The following GRHL3 variants were observed in gnomAD, a reference collection of about 807,000 sequenced individuals.
GRHL3 encodes the protein grainyhead-like protein 3 homolog.
GRHL3 carries 20 observed loss-of-function variants against 70.3 expected under a neutral mutation model. That is an observed-to-expected ratio of 0.28 (90% CI 0.20 to 0.41). The LOEUF is 0.41. GRHL3 is among the 10% of genes least tolerant of loss of function. GRHL3 has a pLI of 1.00. For missense variants in GRHL3, 637 were observed against 762.3 expected, an observed-to-expected ratio of 0.84 and a Z score of 1.94; for synonymous variants, 299 against 299.9, an observed-to-expected ratio of 1.00 and a Z score of 0.03.
chr1:24,322,282 C>T lies in GRHL3; in HGVS notation c.17+2714C>T, dbSNP rs1461554308. The stretch of plus-strand genomic sequence containing the variant: ...CCCTCAGCCTCGCAGAGACGCGACT[C>T]GGTTGGGGGAAGGGGACTAGAACCG... On this transcript the variant is annotated intron_variant, in intron 1 of 15. Coordinates refer to ENST00000361548, the MANE Select transcript of GRHL3 (RefSeq NM_198173.3). This position sits in a 1 kb window ranked among gnomAD's most constrained non-coding sequence, Gnocchi z 4.4. 6.6e-6 allele frequency among the ~76,000 whole-genome samples: 1 copy of T among 152,130 alleles called. No individual in the cohort carries two copies. Among genetic ancestry groups the T allele is most frequent in the Non-Finnish European group, 1.5e-5 (1 of 68,018 alleles).
intron 1 of GRHL3, among the ~76,000 whole-genome samples, chr1:24,324,860 G>C (rs1384677389): frequency 6.6e-6 from 1 of 152,070 alleles, no homozygotes; most frequent in Non-Finnish European, 1.5e-5. Context: ...TCATTACAGA[G>C]CCATGCCCTA....
rs57193515 is a variant in GRHL3, at chr1:24,344,485, GAAAAAAAAAAAAAAAA to G, written c.1420-398_1420-383del. 1.1e-4 allele frequency among the ~76,000 whole-genome samples: 6 copies of G among 55,794 alleles called. 1 individual carries two copies. The highest frequency in any genetic ancestry group is 1.9e-4 in the Non-Finnish European group (6 of 31,054). 36.6% of individuals were successfully genotyped at this position (55,794 alleles called of 152,430 possible). A position where few individuals can be genotyped will look rare whatever the true frequency, so the allele number is the denominator to read the frequency against. ...CAGCCTGGGAGACTCTTTCCCCCCA[GAAAAAAAAAAAAAAAA>G]AAAAAAAAAAAAAGCCCTGTTGCCC... On this transcript the variant is annotated intron_variant, in intron 11 of 15. Coordinates refer to ENST00000361548, the MANE Select transcript of GRHL3 (RefSeq NM_198173.3).
chr1:24,362,313 A>T (rs1277864276), intron 15 of GRHL3, among the ~76,000 whole-genome samples: 1 of 152,204 alleles, frequency 6.6e-6, no homozygotes, highest in African/African-American at 2.4e-5. Context: ...AGTTATAGGC[A>T]CCTTTGTAGG....
At chr1:24,364,437 G>C (rs1422098585) in exon 16 of GRHL3, 1 of 1,455,484 alleles carries the variant, frequency 6.9e-7, no homozygotes. Context: ...TCAGCTCAGA[G>C]TATGTGGCCC....
chr1:24,356,743 G>A (rs1010017648), downstream of GRHL3, among the ~76,000 whole-genome samples: 1 of 152,224 alleles, frequency 6.6e-6, no homozygotes, highest in African/African-American at 2.4e-5. Flanking sequence ...GCGAGGAAGG[G>A]GCTGCAGCAG....
At chr1:24,358,270 G>A (rs566326017), downstream of GRHL3, 84 of 643,954 alleles carry the variant, frequency 1.3e-4, no homozygotes, top group African/African-American at 1.4e-3. Context: ...GGTGCGTGGG[G>A]AAGCAGCCAG....
chr1:24,326,347 A>ACCCCTCTTCTCCTCCC (rs1468761157), intron 1 of GRHL3, among the ~76,000 whole-genome samples: 5 of 116,014 alleles, frequency 4.3e-5, no homozygotes, highest in Admixed American at 1.8e-4. Context: ...CTTCCCCTCC[A>ACCCCTCTTCTCCTCCC]CCCCTCTTCT....
At chr1:24,332,090 C>A (rs1473325866) in intron 2 of GRHL3, among the ~76,000 whole-genome samples, 1 of 152,144 alleles carries the variant, frequency 6.6e-6, no homozygotes, top group Non-Finnish European at 1.5e-5. Flanking sequence ...CACTCTCATA[C>A]CCCACCATCT....
intron 1 of GRHL3, among the ~76,000 whole-genome samples, chr1:24,326,400 T>TCTTCTCCTCCACCCCG: frequency 1.1e-5 from 1 of 94,328 alleles, no homozygotes; most frequent in African/African-American, 4.1e-5. Context: ...CCTCCACCCC[T>TCTTCTCCTCCACCCCG]ATTCCCCTCC....
At chr1:24,350,839 T>C (rs1640477494) in intron 15 of GRHL3, among the ~76,000 whole-genome samples, 1 of 152,172 alleles carries the variant, frequency 6.6e-6, no homozygotes, top group Non-Finnish European at 1.5e-5. Flanking sequence ...CTGCCTACCA[T>C]GGGCTCCTGG....
In GRHL3 at chr1:24,319,481, G is replaced by T. The variant is rs886281799; in HGVS notation, c.-71G>T. The T allele has an allele frequency of 2.1e-6, 3 of 1,435,494 alleles. No homozygotes were observed. In the East Asian group the frequency reaches 6.8e-5, roughly 33 times the overall value. 88.9% of individuals were successfully genotyped at this position (1,435,494 alleles called of 1,614,324 possible). A position where few individuals can be genotyped will look rare whatever the true frequency, so the allele number is the denominator to read the frequency against. On this transcript the variant is annotated 5_prime_UTR_variant, in exon 1 of 16. Coordinates refer to ENST00000361548, the MANE Select transcript of GRHL3 (RefSeq NM_198173.3). The stretch of plus-strand genomic sequence containing the variant: ...ACTTTCCCGGGCAGAGAATGTCTGT[G>T]TCAGGCAAGAATTAGAGACAAGCGG...
At chr1:24,341,200 A>G (rs1406762707) in intron 8 of GRHL3, among the ~76,000 whole-genome samples, 1 of 152,150 alleles carries the variant, frequency 6.6e-6, no homozygotes, top group Non-Finnish European at 1.5e-5. Flanking sequence ...CCCCGCTGAG[A>G]CTGACCCCAG....
intron 15 of GRHL3, chr1:24,361,013 G>A (rs551473023): frequency 8.7e-6 from 14 of 1,611,772 alleles, no homozygotes; most frequent in Non-Finnish European, 1.1e-5. Context: ...GGCGAAGGCT[G>A]AGCAGAGAAG....
intron 1 of GRHL3, among the ~76,000 whole-genome samples, chr1:24,326,849 A>G (rs966855885): frequency 2.6e-5 from 4 of 152,228 alleles, no homozygotes; most frequent in Non-Finnish European, 4.4e-5. Flanking sequence ...CAGGTCACCT[A>G]ACATCTCTAT....
rs745814176 is a variant in GRHL3, at chr1:24,342,803, C to T, written c.1285+31C>T. The T allele has an allele frequency of 1.9e-5, 31 of 1,613,660 alleles. No homozygotes were observed. The highest frequency in any genetic ancestry group is 6.7e-5 in the Admixed American group (4 of 59,988). ...TGGGGATCCAGGGCCTGGGTGGGCT[C>T]GGCTGGCGTGAAGGGGAGAAGGAGA... is the stretch of plus-strand genomic sequence containing the variant. On this transcript the variant is annotated intron_variant, in intron 10 of 15. Transcript: ENST00000361548. The surrounding 1 kb of genome is among the most constrained non-coding windows in gnomAD (Gnocchi z 4.8).
downstream of GRHL3, among the ~76,000 whole-genome samples, chr1:24,360,269 C>A (rs1420642533): frequency 6.6e-6 from 1 of 152,088 alleles, no homozygotes; most frequent in Non-Finnish European, 1.5e-5. Flanking sequence ...ACATAGCGAA[C>A]CCCTGTCTGT....
rs1282808266 is a variant in GRHL3, at chr1:24,336,483, T to A, written c.268T>A (p.Tyr90Asn). Residue 90 changes from tyrosine to asparagine, a missense_variant and splice_region_variant, in exon 4 of 16, where the codon TAC becomes AAC. By Grantham distance (143) the Tyr-to-Asn change is moderately radical. This residue lies in a region of GRHL3 where 250 missense variants were observed against 248.6 expected (regional missense o/e 1.01). Coordinates refer to ENST00000361548, the MANE Select transcript of GRHL3 (RefSeq NM_198173.3). ...TGGRNDQGKRYYHGMEYETDL... is the reference protein window; with the variant it reads ...TGGRNDQGKRNYHGMEYETDL... ...TCAGCCCCTTTTCTTTCTCCCCAGGTACTACCATGGCATGGAATATGAGAC... is the reference window on the plus strand; with the variant it reads ...TCAGCCCCTTTTCTTTCTCCCCAGGAACTACCATGGCATGGAATATGAGAC... 1.8e-5 allele frequency: 28 copies of A among 1,563,390 alleles called. No individual in the cohort carries two copies. The highest frequency in any genetic ancestry group is 2.2e-5 in the Non-Finnish European group (25 of 1,150,392).
At chr1:24,353,645 G>A (rs1400303271) in intron 15 of GRHL3, among the ~76,000 whole-genome samples, 2 of 152,072 alleles carry the variant, frequency 1.3e-5, no homozygotes, top group Admixed American at 1.3e-4. Flanking sequence ...GCAGGGAAGG[G>A]GCAAGGAGAA....
Position 24,336,563 on chromosome 1 carries a change from C to A in GRHL3, c.348C>A (p.Asn116Lys). Residue 116 changes from asparagine to lysine, a missense_variant, in exon 4 of 16, where the codon AAC (asparagine) becomes AAA (lysine). Asn to Lys is a moderately conservative substitution (Grantham distance 94). Coordinates refer to ENST00000361548, the MANE Select transcript of GRHL3 (RefSeq NM_198173.3). ...ACCTCATGAAATTCCTGACAGAGAA[C>A]GTGTCTGGAACCCCAGAGTACCCAG... ...PTHLMKFLTE[N>K]VSGTPEYPDL... 2 of 1,613,598 alleles carry A rather than the reference C, an allele frequency of 1.2e-6. No homozygotes were observed. Among genetic ancestry groups the A allele is most frequent in the Non-Finnish European group, 1.7e-6 (2 of 1,179,738 alleles).
Sources: gnomAD v4.1 joint callset for allele counts (sites outside exome capture counted in the v4.1 genomes callset) on GRCh38, gnomAD v4.1.1 for gene constraint, gnomAD v4.1.1 regional missense constraint, Gnocchi (gnomAD v3.1) non-coding constraint, MANE v1.5 for transcripts, NCBI Gene and HGNC (gene_info 2026-07-23, HGNC 2026-07-21) for gene names.